TLR1: variants seen among roughly 807,000 people sequenced by gnomAD.
TLR1 encodes the protein toll like receptor 1, also known as toll-like receptor 1.
TLR1 carries 19 observed loss-of-function variants against 20.2 expected under a neutral mutation model. That is an observed-to-expected ratio of 0.94 (90% CI 0.66 to 1.38). The LOEUF is 1.38. Ranked by LOEUF, TLR1 falls within the 40% of genes most tolerant of loss-of-function variation. The pLI, the probability that TLR1 is intolerant of heterozygous loss-of-function variation, is 0.00. For missense variants in TLR1, 921 were observed against 910.0 expected (o/e 1.01, Z -0.16); for synonymous variants, 320 against 334.5 (o/e 0.96, Z 0.47).
downstream of TLR1, among the ~76,000 whole-genome samples, chr4:38,788,972 C>A (rs563370372): frequency 1.1e-4 from 16 of 152,230 alleles, no homozygotes; most frequent in African/African-American, 3.6e-4. Context: ...TGCCACTGCA[C>A]TCCAGCACAA....
Position 38,797,028 on chromosome 4 carries a change from T to C in TLR1, c.1804A>G (p.Ser602Gly). The part of the protein sequence containing the change: ...VLAVTVTSLC[S>G]YLDLPWYLRM... Reference sequence around the variant, plus strand: ...AGATACCAGGGCAGATCCAAGTAGCTGCAGAGGGAGGTCACAGTCACAGCC... The same window carrying C: ...AGATACCAGGGCAGATCCAAGTAGCCGCAGAGGGAGGTCACAGTCACAGCC... Residue 602 changes from serine to glycine, a missense_variant, in exon 4 of 4, where the codon AGC (serine) becomes GGC (glycine). Physicochemically the swap from Ser to Gly is moderately conservative, Grantham distance 56. Transcript: ENST00000308979. 3 of 1,614,172 alleles carry C rather than the reference T, an allele frequency of 1.9e-6. No individual in the cohort carries two copies. The South Asian group carries it at 3.3e-5, about 18-fold the overall frequency.
downstream of TLR1, among the ~76,000 whole-genome samples, chr4:38,791,815 C>T (rs535079726): frequency 2.0e-5 from 3 of 152,284 alleles, no homozygotes; most frequent in Non-Finnish European, 2.9e-5. Context: ...ACTTAATCCT[C>T]GTAACAATAG....
Position 38,798,769 on chromosome 4 carries a change from T to A in TLR1, c.63A>T (p.Leu21Phe). 6.2e-7 allele frequency: 1 copy of A among 1,612,210 alleles called. No homozygotes were observed. The highest frequency in any genetic ancestry group is 8.5e-7 in the Non-Finnish European group (1 of 1,179,792). The change falls in exon 4 of 4, where the codon TTA becomes TTT. Residue 21 changes from leucine (L) to phenylalanine (F), a missense_variant. Coordinates refer to ENST00000308979, the MANE Select transcript of TLR1 (RefSeq NM_003263.4). Reference protein sequence around the residue: ...FMLILQIRIQLSEESEFLVDR... With the variant: ...FMLILQIRIQFSEESEFLVDR... ...CAACTAAAAATTCACTTTCTTCAGA[T>A]AATTGTATTCTGATCTGAAGTATTA...
In TLR1 at chr4:38,798,188, T is replaced by C; in HGVS notation, c.644A>G (p.Asn215Ser). Residue 215 changes from asparagine to serine, a missense_variant, in exon 4 of 4, where the codon AAT (asparagine) becomes AGT (serine). Asn to Ser is a conservative substitution (Grantham distance 46). Coordinates refer to ENST00000308979, the MANE Select transcript of TLR1 (RefSeq NM_003263.4). ...ACATTTGATATTAGATAGTTCCAGATTTGCTACAGTCTTGACTGACACATC... is the reference window on the plus strand; with the variant it reads ...ACATTTGATATTAGATAGTTCCAGACTTGCTACAGTCTTGACTGACACATC... ...ILDVSVKTVA[N>S]LELSNIKCVL... 6.2e-7 allele frequency: 1 copy of C among 1,614,116 alleles called. No individual in the cohort carries two copies. The highest frequency in any genetic ancestry group is 8.5e-7 in the Non-Finnish European group (1 of 1,179,984).
rs528836101 is a variant in TLR1, at chr4:38,798,394, C to T, written c.438G>A (p.Leu146=). Residue 146 remains leucine, a synonymous_variant, in exon 4 of 4, where the codon TTG becomes TTA. Coordinates refer to ENST00000308979, the MANE Select transcript of TLR1 (RefSeq NM_003263.4). ...GNMSQLKFLG[L]STTHLEKSSV... ...TAGATTTTTCTAAGTGTGTGGTGCT[C>T]AACCCCAGAAATTTTAGTTGAGACA... 8.7e-6 allele frequency: 14 copies of T among 1,613,658 alleles called. No homozygotes were observed. The highest frequency in any genetic ancestry group is 1.3e-5 in the African/African-American group (1 of 74,962).
At chr4:38,795,612 TG>T (rs1344313654), downstream of TLR1, among the ~76,000 whole-genome samples, 1 of 152,238 alleles carries the variant, frequency 6.6e-6, no homozygotes, top group Non-Finnish European at 1.5e-5. Context: ...TCATTTGGAC[TG>T]AGGTGGAACA....
chr4:38,794,496 A>C (rs1725902660), downstream of TLR1: 1 of 152,172 alleles, frequency 6.6e-6, no homozygotes. Context: ...GGTCCAGTCA[A>C]ACTGGGATAC....
intron 2 of TLR1, 105 bp downstream of exon 2, chr4:38,804,201 C>T (rs1474029271): frequency 6.6e-6 from 1 of 152,192 alleles, no homozygotes; most frequent in Non-Finnish European, 1.5e-5. Context: ...ATTTTCAAAA[C>T]CTGCAATTCT....
intron 2 of TLR1, among the ~76,000 whole-genome samples, chr4:38,802,342 G>A (rs1197731877): frequency 6.6e-6 from 1 of 152,194 alleles, no homozygotes; most frequent in Non-Finnish European, 1.5e-5. Context: ...CTCAGGAGCT[G>A]GGCAAGCAGG....
At position 38,797,569 on chromosome 4, in the gene TLR1, C is replaced by G. The variant is rs1372802107; in HGVS notation, c.1263G>C (p.Trp421Cys). 6.2e-7 allele frequency: 1 copy of G among 1,613,474 alleles called. No individual in the cohort carries two copies. The highest frequency in any genetic ancestry group is 8.5e-7 in the Non-Finnish European group (1 of 1,179,898). Residue 421 changes from tryptophan (W) to cysteine (C), a missense_variant, in exon 4 of 4, where the codon TGG becomes TGC. Physicochemically the swap from Trp to Cys is radical, Grantham distance 215 (BLOSUM62 -2). Coordinates refer to ENST00000308979, the MANE Select transcript of TLR1 (RefSeq NM_003263.4). ...TATTTAAACTTAATAAACTTTTAGT[C>G]CAAGAACAGTCTCCTTTCTTTTCAT... ...SYDEKKGDCS[W>C]TKSLLSLNMS... is the part of the protein sequence containing the mutation.
chr4:38,797,553 T>G lies in TLR1; in HGVS notation c.1279A>C (p.Ser427Arg), dbSNP rs765246174. ...AGTATATTTGAAGACATATTTAAAC[T>G]TAATAAACTTTTAGTCCAAGAACAG... ...GDCSWTKSLL[S>R]LNMSSNILTD... The change falls in exon 4 of 4, where the codon AGT becomes CGT. Residue 427 changes from serine to arginine, a missense_variant. Ser to Arg is a moderately radical substitution (Grantham distance 110, BLOSUM62 -1). Transcript: ENST00000308979. The G allele has an allele frequency of 1.2e-6, 2 of 1,613,556 alleles. No individual in the cohort carries two copies. Among genetic ancestry groups the G allele is most frequent in the Non-Finnish European group, 1.7e-6 (2 of 1,179,900 alleles).
rs375985007 is a variant in TLR1 at position 38,797,822 on chromosome 4, C to T, written c.1010G>A (p.Arg337His). ...GGATGGGCAAAGCATGTGGACCATG[C>T]GTGTACCAGACACTGTGAAATTTTT... ...NIKNFTVSGTRMVHMLCPSKI... is the reference protein window; with the variant it reads ...NIKNFTVSGTHMVHMLCPSKI... The change falls in exon 4 of 4, where the codon CGC becomes CAC. Residue 337 changes from arginine (R) to histidine (H), a missense_variant. Arg to His is a conservative substitution (Grantham distance 29). Transcript: ENST00000308979. 26 of 1,614,044 alleles carry T rather than the reference C, an allele frequency of 1.6e-5. No homozygotes were observed. The highest frequency in any genetic ancestry group is 3.3e-4 in the Middle Eastern group (2 of 6,062).
At chr4:38,792,853 T>TTATATATATCTATATATATATATATATA (rs1725796501), downstream of TLR1, among the ~76,000 whole-genome samples, 1 of 122,218 alleles carries the variant, frequency 8.2e-6, no homozygotes, top group Non-Finnish European at 1.8e-5. Context: ...TATTTTCAAA[T>TTATATATATCTATATATATATATATATA]TATATATATA....
In TLR1 at chr4:38,798,397, C is replaced by A. The variant is rs1444738161; in HGVS notation, c.435G>T (p.Gly145=). 1 of 1,613,672 alleles carries A rather than the reference C, an allele frequency of 6.2e-7. No homozygotes were observed. Among genetic ancestry groups the A allele is most frequent in the Non-Finnish European group, 8.5e-7 (1 of 1,179,772 alleles). The change falls in exon 4 of 4, where the codon GGG becomes GGT. Residue 145 remains glycine (G), a synonymous_variant. Coordinates refer to ENST00000308979, the MANE Select transcript of TLR1 (RefSeq NM_003263.4). The part of the protein sequence containing the change: ...FGNMSQLKFL[G]LSTTHLEKSS... ...ATTTTTCTAAGTGTGTGGTGCTCAA[C>A]CCCAGAAATTTTAGTTGAGACATAT...
At chr4:38,788,630 A>G (rs142938344), downstream of TLR1, among the ~76,000 whole-genome samples, 20 of 152,332 alleles carry the variant, frequency 1.3e-4, no homozygotes, top group African/African-American at 4.6e-4. Flanking sequence ...ATAAGAGCCA[A>G]TTTTTAATTT....
chr4:38,795,167 C>T (rs1178086046), downstream of TLR1, among the ~76,000 whole-genome samples: 1 of 152,048 alleles, frequency 6.6e-6, no homozygotes, highest in Admixed American at 6.5e-5. Flanking sequence ...TATAATGCTT[C>T]CCATCCCGTA....
Position 38,797,127 on chromosome 4 carries a change from C to A in TLR1, c.1705G>T (p.Asp569Tyr). The A allele has an allele frequency of 6.2e-7, 1 of 1,614,206 alleles. No homozygotes were observed. The highest frequency in any genetic ancestry group is 8.5e-7 in the Non-Finnish European group (1 of 1,180,044). ...PESYRGTLLK[D>Y]FHMSELSCNI... ...CAGGATAATTCAGACATGTGAAAGT[C>A]CTTTAGTAGGGTTCCTCTATAACTT... The change falls in exon 4 of 4, where the codon GAC (aspartate) becomes TAC (tyrosine). Residue 569 changes from aspartate (D) to tyrosine (Y), a missense_variant. Physicochemically the swap from Asp to Tyr is radical, Grantham distance 160 (BLOSUM62 -3). Transcript: ENST00000308979.
At chr4:38,791,960 C>A (rs1197449112), downstream of TLR1, among the ~76,000 whole-genome samples, 1 of 152,186 alleles carries the variant, frequency 6.6e-6, no homozygotes, top group Non-Finnish European at 1.5e-5. Flanking sequence ...AGATGCTTCT[C>A]TTCCCCACTG....
intron 3 of TLR1, among the ~76,000 whole-genome samples, chr4:38,800,169 A>T (rs1308260448): frequency 6.6e-6 from 1 of 152,190 alleles, no homozygotes; most frequent in African/African-American, 2.4e-5. Context: ...CATTTCTGGC[A>T]AAAGAAAAGG....
Sources: allele counts gnomAD v4.1 joint callset (sites outside exome capture counted in the v4.1 genomes callset), GRCh38; gene constraint gnomAD v4.1.1; transcripts MANE v1.5; gene names NCBI Gene and HGNC (gene_info 2026-07-23, HGNC 2026-07-21).